The following NLGN1 variants were observed in gnomAD, a reference collection of about 807,000 sequenced individuals.
NLGN1 encodes neuroligin-1.
In NLGN1, 12 loss-of-function variants were observed where a neutral mutation model predicts 65.5. That is an observed-to-expected ratio of 0.18 (90% confidence interval 0.12 to 0.30). The LOEUF (loss-of-function observed/expected upper bound fraction) is 0.30, where lower values mean the gene tolerates loss of function less well. Among genes scored for constraint, NLGN1 ranks in the 10% least tolerant of loss-of-function variants. The probability of loss-of-function intolerance (pLI) is 1.00; values close to 1 mark genes in which losing one functional copy is unlikely to be tolerated. For missense variants in NLGN1, 750 were observed against 1,007.1 expected (o/e 0.74, Z 3.46); for synonymous variants, 350 against 359.5 (o/e 0.97, Z 0.30).
Position 173,957,427 on chromosome 3 carries a change from TCATGGGTTA to T in NLGN1, c.646+149598_646+149606del, listed in dbSNP as rs1712353931. Among the ~76,000 whole-genome samples, 3 of 152,310 alleles carry T rather than the reference TCATGGGTTA, an allele frequency of 2.0e-5. No individual in the cohort carries two copies. The South Asian group carries it at 6.2e-4, about 32-fold the overall frequency. On this transcript the variant is annotated intron_variant, in intron 4 of 6. Transcript: ENST00000457714. ...TTATTTTGCTCTGCCTATTTTTCTC[TCATGGGTTA>T]CAACTAAATACTGACATGTAAAAGA... is the stretch of plus-strand genomic sequence containing the variant.
chr3:173,880,689 A>T (rs889055407), intron 4 of NLGN1, among the ~76,000 whole-genome samples: 11 of 152,142 alleles, frequency 7.2e-5, no homozygotes, highest in Non-Finnish European at 1.3e-4. Context: ...CTCTTGCCTC[A>T]GTGTTTATGG....
At chr3:173,925,829 C>G (rs998629031) in intron 4 of NLGN1, among the ~76,000 whole-genome samples, 5 of 151,568 alleles carry the variant, frequency 3.3e-5, no homozygotes, top group Admixed American at 3.3e-4. Flanking sequence ...GAATCAGCAC[C>G]CAGATTAAGA....
intron 3 of NLGN1, among the ~76,000 whole-genome samples, chr3:173,683,787 T>C (rs1441388338): frequency 2.0e-5 from 3 of 152,156 alleles, no homozygotes; most frequent in African/African-American, 7.2e-5. Flanking sequence ...TCAGGTATAG[T>C]GCTTCGTGCT....
At chr3:173,489,081 T>C (rs1270778710) in intron 2 of NLGN1, among the ~76,000 whole-genome samples, 1 of 151,980 alleles carries the variant, frequency 6.6e-6, no homozygotes, top group Non-Finnish European at 1.5e-5. Flanking sequence ...TTACTTTTTT[T>C]TTCTTTTTTT....
At chr3:174,000,898 G>A (rs1454929519) in intron 4 of NLGN1, among the ~76,000 whole-genome samples, 3 of 152,142 alleles carry the variant, frequency 2.0e-5, no homozygotes, top group Non-Finnish European at 2.9e-5. Flanking sequence ...CAGATGGGTG[G>A]ACACTGGTCT....
chr3:174,061,983 A>G (rs1308219208), intron 4 of NLGN1, among the ~76,000 whole-genome samples: 1 of 152,144 alleles, frequency 6.6e-6, no homozygotes, highest in Non-Finnish European at 1.5e-5. Flanking sequence ...TTTGAAATAA[A>G]TCGGAAGCCT....
At chr3:174,025,621 C>A (rs1319667970) in intron 4 of NLGN1, among the ~76,000 whole-genome samples, 1 of 152,030 alleles carries the variant, frequency 6.6e-6, no homozygotes, top group East Asian at 1.9e-4. Flanking sequence ...TTTAAACTTG[C>A]TAGTAAATAG....
chr3:173,409,611 T>G (rs1712083631), intron 1 of NLGN1, among the ~76,000 whole-genome samples: 1 of 152,208 alleles, frequency 6.6e-6, no homozygotes, highest in Non-Finnish European at 1.5e-5. Flanking sequence ...CAATGTCTCT[T>G]ACACACGTCT....
At chr3:173,850,812 C>T (rs1292492307) in intron 4 of NLGN1, among the ~76,000 whole-genome samples, 3 of 152,242 alleles carry the variant, frequency 2.0e-5, no homozygotes, top group East Asian at 3.9e-4. Flanking sequence ...TCATGATCCA[C>T]TGCAGCTTCA....
intron 3 of NLGN1, among the ~76,000 whole-genome samples, chr3:173,801,473 T>G (rs16830620): frequency 0.053 from 8,011 of 152,056 alleles, 514 homozygotes; most frequent in East Asian, 0.18. Flanking sequence ...ACAGCAAAAG[T>G]TTTGTTCCAT....
chr3:173,972,180 A>C (rs1226978127), intron 4 of NLGN1, among the ~76,000 whole-genome samples: 1 of 152,122 alleles, frequency 6.6e-6, no homozygotes, highest in African/African-American at 2.4e-5. Context: ...GAGAGTAAGA[A>C]ATTAAGACTA....
intron 4 of NLGN1, among the ~76,000 whole-genome samples, chr3:174,129,789 AAG>A (rs1719780844): frequency 6.6e-6 from 1 of 152,252 alleles, no homozygotes; most frequent in Admixed American, 6.5e-5. Context: ...CTTATAAAAT[AAG>A]ATACCTAAAT....
intron 2 of NLGN1, among the ~76,000 whole-genome samples, chr3:173,469,620 C>T (rs247973): frequency 0.97 from 146,694 of 151,768 alleles, 70,964 homozygotes; most frequent in East Asian, 1. Flanking sequence ...AGAAAGTTGG[C>T]ATATGCACTT....
At chr3:173,712,753 A>C (rs1289756679) in intron 3 of NLGN1, among the ~76,000 whole-genome samples, 1 of 152,160 alleles carries the variant, frequency 6.6e-6, no homozygotes, top group East Asian at 1.9e-4. Flanking sequence ...CCTTATATAT[A>C]AGTGCAACTA....
chr3:173,961,864 G>A (rs1331616544), intron 4 of NLGN1, among the ~76,000 whole-genome samples: 2 of 151,898 alleles, frequency 1.3e-5, no homozygotes, highest in East Asian at 1.9e-4. Context: ...ACTTTAACAG[G>A]GAGGTCTCTC....
intron 4 of NLGN1, among the ~76,000 whole-genome samples, chr3:173,916,380 T>A (rs1476642944): frequency 1.3e-5 from 2 of 152,120 alleles, no homozygotes; most frequent in Non-Finnish European, 2.9e-5. Flanking sequence ...CATTTATTGA[T>A]CACCCTAAGT....
intron 4 of NLGN1, among the ~76,000 whole-genome samples, chr3:174,008,357 A>AC (rs1724873002): frequency 2.3e-5 from 1 of 43,296 alleles, no homozygotes; most frequent in Non-Finnish European, 4.6e-5. Flanking sequence ...CGTCCCCCCC[A>AC]CCCCCCGCCC....
chr3:174,073,146 A>G (rs1026211366), intron 4 of NLGN1, among the ~76,000 whole-genome samples: 7 of 152,148 alleles, frequency 4.6e-5, no homozygotes, highest in African/African-American at 1.7e-4. Flanking sequence ...ATGAATCAAT[A>G]AAAATAAAAT....
chr3:173,884,918 C>A (rs1047720214), intron 4 of NLGN1, among the ~76,000 whole-genome samples: 1 of 152,100 alleles, frequency 6.6e-6, no homozygotes, highest in Non-Finnish European at 1.5e-5. Context: ...CCAAATGCTG[C>A]GTCCTCACAT....
Sources: allele counts gnomAD v4.1 joint callset (sites outside exome capture counted in the v4.1 genomes callset), GRCh38; gene constraint gnomAD v4.1.1; transcripts MANE v1.5; gene names NCBI Gene and HGNC (gene_info 2026-07-23, HGNC 2026-07-21).